Variants in RASEF observed in about 807,000 individuals in gnomAD.
RASEF encodes the protein ras and EF-hand domain-containing protein.
A neutral mutation model predicts 90.1 loss-of-function variants in RASEF; 68 were observed. That is an observed-to-expected ratio of 0.75 (90% CI 0.62 to 0.92). The LOEUF (loss-of-function observed/expected upper bound fraction) is 0.92. RASEF is among the 40% of genes least tolerant of loss of function. RASEF has a pLI of 0.00. For missense variants in RASEF, 949 were observed against 937.2 expected (o/e 1.01, Z -0.16); for synonymous variants, 331 against 345.2 (o/e 0.96, Z 0.46).
At chr9:83,161,532 T>C in the RASEF span, among the ~76,000 whole-genome samples, 2 of 152,138 alleles carry the variant, frequency 1.3e-5, no homozygotes, top group Admixed American at 6.5e-5. Context: ...TTATTTTACA[T>C]GCTCATAGGT....
intron 11 of RASEF, 30 bp from the exon 12 acceptor site, chr9:83,000,346 C>G (rs1396190955): frequency 6.2e-7 from 1 of 1,611,552 alleles, no homozygotes; most frequent in South Asian, 1.1e-5. Context: ...TGAATGATAA[C>G]GGTATTGCCA....
chr9:83,020,477 T>C (rs556496605), intron 3 of RASEF, among the ~76,000 whole-genome samples: 1 of 152,284 alleles, frequency 6.6e-6, no homozygotes, highest in East Asian at 1.9e-4. Context: ...AGGCGGACAC[T>C]AGGATGGACA....
the RASEF span, among the ~76,000 whole-genome samples, chr9:83,071,865 T>G: frequency 4.6e-5 from 7 of 152,316 alleles, no homozygotes; most frequent in South Asian, 1.2e-3. Context: ...TCAATGAGTC[T>G]TCTTCTAAAG....
Position 83,018,764 on chromosome 9 carries a change from CATT to C in RASEF, c.670-2867_670-2865del, listed in dbSNP as rs138343047. Among the ~76,000 whole-genome samples, 1,095 of 152,154 alleles carry C rather than the reference CATT, an allele frequency of 7.2e-3. 12 individuals are homozygous for C. Among genetic ancestry groups the C allele is most frequent in the African/African-American group, 0.025 (1,037 of 41,512 alleles). On this transcript the variant is annotated intron_variant, in intron 3 of 16. Coordinates refer to ENST00000376447, the MANE Select transcript of RASEF (RefSeq NM_152573.4). ...ACTTATAAACCAACAGGTATCAAGA[CATT>C]ATAAACCAATAGGTATCAAGACAAT...
intron 6 of RASEF, 62 bp from the exon 7 acceptor site, chr9:83,007,567 C>A: frequency 8.5e-7 from 1 of 1,178,268 alleles, no homozygotes; most frequent in African/African-American, 1.5e-5. Context: ...TCACGTATAC[C>A]TACCCTCCCA....
chr9:83,134,909 A>G, the RASEF span, among the ~76,000 whole-genome samples: 1 of 152,174 alleles, frequency 6.6e-6, no homozygotes, highest in African/African-American at 2.4e-5. Context: ...TTCAGCCATA[A>G]AAAGGAATGA....
intron 1 of RASEF, among the ~76,000 whole-genome samples, chr9:83,062,168 T>C (rs1564092512): frequency 6.6e-6 from 1 of 152,142 alleles, no homozygotes; most frequent in East Asian, 1.9e-4. Context: ...CAGCTGCAGA[T>C]TTCAGGAGAG....
intron 1 of RASEF, among the ~76,000 whole-genome samples, chr9:83,060,958 G>A (rs1440945930): frequency 6.6e-6 from 1 of 152,160 alleles, no homozygotes; most frequent in East Asian, 1.9e-4. Flanking sequence ...AATCATTTAA[G>A]GTTGTGTGTG....
chr9:83,005,788 A>C (rs1183032210), intron 7 of RASEF, among the ~76,000 whole-genome samples: 1 of 152,232 alleles, frequency 6.6e-6, no homozygotes, highest in Non-Finnish European at 1.5e-5. Flanking sequence ...CTGATTGAAC[A>C]GATTTCATGC....
At chr9:83,171,554 A>G in the RASEF span, among the ~76,000 whole-genome samples, 1 of 151,852 alleles carries the variant, frequency 6.6e-6, no homozygotes, top group Non-Finnish European at 1.5e-5. Context: ...TGAAGGCATC[A>G]GGTCCTGGAC....
At position 83,000,460 on chromosome 9, in the gene RASEF, T is replaced by G; in HGVS notation, c.1548A>C (p.Arg516Ser). The change falls in exon 11 of 17, where the codon AGA (arginine) becomes AGC (serine). Residue 516 changes from arginine (R) to serine (S), a missense_variant. Physicochemically the swap from Arg to Ser is moderately radical, Grantham distance 110. Coordinates refer to ENST00000376447, the MANE Select transcript of RASEF (RefSeq NM_152573.4). ...GGGGCGAGAGTGCTGAGATGGGCTT[T>G]CTTGATGAACTAACAATGCTGCCTT... Reference protein sequence around the residue: ...VSEGSIVSSSRKPISALSPQT... With the variant: ...VSEGSIVSSSSKPISALSPQT... The G allele has an allele frequency of 6.2e-7, 1 of 1,614,092 alleles. No homozygotes were observed. The highest frequency in any genetic ancestry group is 8.5e-7 in the Non-Finnish European group (1 of 1,179,988).
the RASEF span, among the ~76,000 whole-genome samples, chr9:83,156,435 C>A: frequency 1.3e-5 from 2 of 152,176 alleles, no homozygotes. Context: ...TCCTCATGTT[C>A]TTTACCCTAC....
At chr9:83,060,234 G>A (rs547416693) in intron 1 of RASEF, among the ~76,000 whole-genome samples, 1 of 152,144 alleles carries the variant, frequency 6.6e-6, no homozygotes, top group Non-Finnish European at 1.5e-5. Context: ...CCCTTCAGAA[G>A]AAACTCTATT....
chr9:83,155,999 T>G, the RASEF span, among the ~76,000 whole-genome samples: 5 of 152,178 alleles, frequency 3.3e-5, no homozygotes, highest in African/African-American at 1.2e-4. Flanking sequence ...GGGATTCCTT[T>G]ACCCTGACTG....
At chr9:82,998,943 C>A (rs531881426) in intron 12 of RASEF, among the ~76,000 whole-genome samples, 1 of 152,004 alleles carries the variant, frequency 6.6e-6, no homozygotes. Flanking sequence ...TATATACACA[C>A]GTTAGTGCAC....
chr9:83,032,324 G>C (rs746853129), intron 1 of RASEF, among the ~76,000 whole-genome samples: 14 of 152,292 alleles, frequency 9.2e-5, no homozygotes, highest in Non-Finnish European at 1.0e-4. Context: ...GACAAGGCTT[G>C]AAAGCATTTT....
At position 82,981,971 on chromosome 9, in the gene RASEF, T is replaced by A. The variant is rs755685888; in HGVS notation, c.*706A>T. 5 of 152,268 alleles carry A rather than the reference T, an allele frequency of 3.3e-5. No homozygotes were observed. The highest frequency in any genetic ancestry group is 6.5e-5 in the Admixed American group (1 of 15,290). The allele number at this position is 152,268 out of a possible 1,614,324, so 9.4% of individuals were successfully genotyped here. On this transcript the variant is annotated 3_prime_UTR_variant, in exon 17 of 17. Transcript: ENST00000376447. Reference sequence around the variant, plus strand: ...TTTTTGTCTCAAACATGTTTCTTTATACATAAAAAATAGATATTTCTGTTT... The same window carrying A: ...TTTTTGTCTCAAACATGTTTCTTTAAACATAAAAAATAGATATTTCTGTTT...
the RASEF span, among the ~76,000 whole-genome samples, chr9:83,117,652 A>G: frequency 6.6e-6 from 1 of 152,238 alleles, no homozygotes; most frequent in Admixed American, 6.5e-5. Flanking sequence ...CTGTATGTGT[A>G]GAGTGACTTC....
the RASEF span, among the ~76,000 whole-genome samples, chr9:83,186,316 C>T: frequency 4.6e-5 from 7 of 152,108 alleles, no homozygotes; most frequent in African/African-American, 1.7e-4. Context: ...CACTCATCAC[C>T]CAGTCCCTTG....
Sources: gnomAD v4.1 joint callset for allele counts (sites outside exome capture counted in the v4.1 genomes callset) on GRCh38, gnomAD v4.1.1 for gene constraint, MANE v1.5 for transcripts, NCBI Gene and HGNC (gene_info 2026-07-23, HGNC 2026-07-21) for gene names.